ELN: variants seen among roughly 807,000 people sequenced by gnomAD.
ELN encodes tropoelastin.
ELN carries 65 observed loss-of-function variants against 105.8 expected under a neutral mutation model. The ratio of observed to expected loss-of-function variants is 0.61; its 90% confidence interval spans 0.50 to 0.75. The LOEUF is 0.75. Among genes scored for constraint, ELN ranks in the 30% least tolerant of loss-of-function variants. ELN has a pLI of 0.00. For missense variants in ELN, 882 were observed against 969.4 expected, an observed-to-expected ratio of 0.91 and a Z score of 1.20; for synonymous variants, 368 against 389.2, an observed-to-expected ratio of 0.95 and a Z score of 0.64.
chr7:74,061,175 C>A, intron 26 of ELN, 36 bp downstream of exon 26: 9 of 1,613,672 alleles, frequency 5.6e-6, no homozygotes, highest in Non-Finnish European at 7.6e-6. Flanking sequence ...GGCTCCCTTG[C>A]CACCACACCA....
chr7:74,047,544 G>C, intron 12 of ELN, 131 bp from the exon 13 acceptor site: 1 of 1,287,566 alleles, frequency 7.8e-7, no homozygotes, highest in Non-Finnish European at 1.1e-6. Context: ...TGCTCTCCTG[G>C]GAGCAGCTCA....
chr7:74,034,292 C>A (rs1011536587), intron 1 of ELN, among the ~76,000 whole-genome samples: 4 of 152,126 alleles, frequency 2.6e-5, no homozygotes, highest in African/African-American at 7.2e-5. Context: ...AAGCTCTGGC[C>A]TCTACCCGGC....
At chr7:74,042,237 T>C (rs1791392624) in intron 5 of ELN, among the ~76,000 whole-genome samples, 1 of 149,476 alleles carries the variant, frequency 6.7e-6, no homozygotes, top group South Asian at 2.1e-4. Context: ...CTGGGCAACA[T>C]GGTAAAATCT....
intron 1 of ELN, among the ~76,000 whole-genome samples, chr7:74,031,737 G>C (rs1428984576): frequency 6.6e-6 from 1 of 151,456 alleles, no homozygotes; most frequent in Non-Finnish European, 1.5e-5. Context: ...GGCAACATAG[G>C]AAGGCCCCCG....
chr7:74,058,228 T>TTCTTCC (rs1795781872), intron 22 of ELN, among the ~76,000 whole-genome samples: 1 of 147,460 alleles, frequency 6.8e-6, no homozygotes, highest in Non-Finnish European at 1.5e-5. Flanking sequence ...TTTCTTCTTC[T>TTCTTCC]TCTTCCTCTT....
chr7:74,046,471 G>A (rs371733603), intron 11 of ELN, among the ~76,000 whole-genome samples: 1 of 152,236 alleles, frequency 6.6e-6, no homozygotes, highest in South Asian at 2.1e-4. Context: ...CCCAAACTGG[G>A]GCCCAGGCCC....
chr7:74,051,632 C>G (rs1164075597), intron 15 of ELN, 118 bp from the exon 16 acceptor site: 17 of 1,131,470 alleles, frequency 1.5e-5, no homozygotes, highest in Non-Finnish European at 2.2e-5. Context: ...CTGGAGACAC[C>G]CGGGCCCCAT....
In ELN at chr7:74,035,385, G is replaced by A. The variant is rs782038454; in HGVS notation, c.104G>A (p.Gly35Asp). The A allele has an allele frequency of 6.2e-7, 1 of 1,613,954 alleles. No homozygotes were observed. The highest frequency in any genetic ancestry group is 8.5e-7 in the Non-Finnish European group (1 of 1,180,008). Reference protein sequence around the residue: ...RPGGVPGAIPGGVPGGVFYPG... With the variant: ...RPGGVPGAIPDGVPGGVFYPG... The stretch of plus-strand genomic sequence containing the variant: ...TCAGGGGTCCCTGGGGCCATTCCTG[G>A]TGGAGTTCCTGGAGGAGTCTTTTAT... The change falls in exon 2 of 33, where the codon GGT becomes GAT. Residue 35 changes from glycine (G) to aspartate (D), a missense_variant. Physicochemically the swap from Gly to Asp is moderately conservative, Grantham distance 94 (BLOSUM62 -1). Transcript: ENST00000252034.
chr7:74,061,081 C>A lies in ELN; in HGVS notation c.1748-20C>A. On this transcript the variant is annotated intron_variant, in intron 25 of 32. Transcript: ENST00000252034. Reference sequence around the variant, plus strand: ...CAGAGCTCGGCTCCTGACCACTCCCCAACTTTTCTTTCTCCCCAGTACCTG... The same window carrying A: ...CAGAGCTCGGCTCCTGACCACTCCCAAACTTTTCTTTCTCCCCAGTACCTG... 6.2e-7 allele frequency: 1 copy of A among 1,614,112 alleles called. No homozygotes were observed. The highest frequency in any genetic ancestry group is 2.2e-5 in the East Asian group (1 of 44,884).
Position 74,063,406 on chromosome 7 carries a change from C to G in ELN, c.1918+37C>G, listed in dbSNP as rs1210276081. 6.5e-7 allele frequency: 1 copy of G among 1,543,842 alleles called. No individual in the cohort carries two copies. Among genetic ancestry groups the G allele is most frequent in the Non-Finnish European group, 8.7e-7 (1 of 1,147,762 alleles). ...GTGGAGGTGGGAGCTGCCGCCAGGC[C>G]CCCAGGCCCCCAGGGTGTGGGAGGA... On this transcript the variant is annotated intron_variant, in intron 28 of 32. Transcript: ENST00000252034. This position sits in a 1 kb window ranked among gnomAD's most constrained non-coding sequence, Gnocchi z 4.1.
chr7:74,036,553 A>G lies in ELN; in HGVS notation c.134-2A>G. 6.2e-7 allele frequency: 1 copy of G among 1,614,008 alleles called. No individual in the cohort carries two copies. Among genetic ancestry groups the G allele is most frequent in the Non-Finnish European group, 8.5e-7 (1 of 1,180,012 alleles). On this transcript the variant is annotated splice_acceptor_variant, in intron 2 of 32. Coordinates refer to ENST00000252034, the MANE Select transcript of ELN (RefSeq NM_000501.4). LOFTEE classifies it high-confidence loss of function. ...TCTCTTTCTCTTTCTCTCCCCCCAC[A>G]GGGGCTGGTCTCGGAGCCCTTGGAG...
rs570032703 is a variant in ELN, at chr7:74,040,415, T to A, written c.197-801T>A. On this transcript the variant is annotated intron_variant, in intron 4 of 32. Coordinates refer to ENST00000252034, the MANE Select transcript of ELN (RefSeq NM_000501.4). ...TTCAGAGGGGTCCAGCTCCCACTAG[T>A]AGGAAATGAGGGACGAGGAGTGGTT... 5.3e-4 allele frequency among the ~76,000 whole-genome samples: 80 copies of A among 152,092 alleles called. 2 individuals are homozygous for A. The Middle Eastern group carries it at 0.02, about 39-fold the overall frequency.
At chr7:74,032,980 C>G (rs886335778) in intron 1 of ELN, among the ~76,000 whole-genome samples, 3 of 152,222 alleles carry the variant, frequency 2.0e-5, no homozygotes, top group Admixed American at 1.3e-4. Context: ...GTGCCACTGT[C>G]TTTTTATTTT....
At position 74,051,734 on chromosome 7, in the gene ELN, GT is replaced by G; in HGVS notation, c.800-15del. 1 of 1,614,090 alleles carries G rather than the reference GT, an allele frequency of 6.2e-7. No individual in the cohort carries two copies. Among genetic ancestry groups the G allele is most frequent in the Non-Finnish European group, 8.5e-7 (1 of 1,179,948 alleles). On this transcript the variant is annotated splice_polypyrimidine_tract_variant and intron_variant, in intron 15 of 32. Coordinates refer to ENST00000252034, the MANE Select transcript of ELN (RefSeq NM_000501.4). The stretch of plus-strand genomic sequence containing the variant: ...GGTCCTTGGGAAACTACATTGCACT[GT>G]CCCCATCTCAACAGGTGCTGGAGCA...
chr7:74,063,492 T>G lies in ELN; in HGVS notation c.1918+123T>G. 6.2e-7 allele frequency: 1 copy of G among 1,606,736 alleles called. No individual in the cohort carries two copies. Among genetic ancestry groups the G allele is most frequent in the Non-Finnish European group, 8.5e-7 (1 of 1,177,222 alleles). On this transcript the variant is annotated intron_variant, in intron 28 of 32. Transcript: ENST00000252034. The surrounding 1 kb of genome is among the most constrained non-coding windows in gnomAD (Gnocchi z 4.1). ...CCCCAGACACCTCCTGGCTCCACTG[T>G]GCCATCGAAGGCCAGGGGAGACCTC...
chr7:74,059,922 G>T lies in ELN; in HGVS notation c.1451G>T (p.Gly484Val), dbSNP rs2132288333. The T allele has an allele frequency of 6.4e-7, 1 of 1,566,776 alleles. No homozygotes were observed. Among genetic ancestry groups the T allele is most frequent in the East Asian group, 2.2e-5 (1 of 44,634 alleles). Residue 484 changes from glycine (G) to valine (V), a missense_variant, in exon 23 of 33, where the codon GGC becomes GTC. By Grantham distance (109) the Gly-to-Val change is moderately radical. Coordinates refer to ENST00000252034, the MANE Select transcript of ELN (RefSeq NM_000501.4). ...GGTGTCGGCGTGGCTCCTGGAGTTG[G>T]CGTGGCTCCTGGTGTCGGTGTGGCT... Reference protein sequence around the residue: ...VPGVGVAPGVGVAPGVGVAPG... With the variant: ...VPGVGVAPGVVVAPGVGVAPG...
At chr7:74,044,884 G>C (rs1405447396) in intron 9 of ELN, among the ~76,000 whole-genome samples, 1 of 152,184 alleles carries the variant, frequency 6.6e-6, no homozygotes, top group African/African-American at 2.4e-5. Context: ...GTCTACGGGC[G>C]AGTGGCACCG....
chr7:74,029,224 G>A (rs116216379), intron 1 of ELN, among the ~76,000 whole-genome samples: 51 of 152,134 alleles, frequency 3.4e-4, no homozygotes, highest in African/African-American at 1.2e-3. Flanking sequence ...ATGTGTGTGC[G>A]ATGTGGCACG....
At chr7:74,057,395 A>G in intron 21 of ELN, 1 of 1,505,188 alleles carries the variant, frequency 6.6e-7, no homozygotes, top group Non-Finnish European at 8.8e-7. Context: ...CTGCAGGAGC[A>G]GGAGTGCTGG....
Sources: gnomAD v4.1 joint callset for allele counts (sites outside exome capture counted in the v4.1 genomes callset) on GRCh38, gnomAD v4.1.1 for gene constraint, Gnocchi (gnomAD v3.1) non-coding constraint, MANE v1.5 for transcripts, NCBI Gene and HGNC (gene_info 2026-07-23, HGNC 2026-07-21) for gene names.